The following TAFA1 variants were observed in gnomAD, a reference collection of about 807,000 sequenced individuals.
The protein encoded by TAFA1 is chemokine-like protein TAFA-1.
A neutral mutation model predicts 18.5 loss-of-function variants in TAFA1; 4 were observed. The ratio of observed to expected loss-of-function variants is 0.22; its 90% confidence interval spans 0.11 to 0.49. TAFA1 has a LOEUF of 0.49. TAFA1 is among the 20% of genes least tolerant of loss of function. The pLI is 0.98. For synonymous variants in TAFA1, 56 were observed against 55.2 expected, an observed-to-expected ratio of 1.01 and a Z score of -0.06; for missense variants, 147 against 169.0, an observed-to-expected ratio of 0.87 and a Z score of 0.72.
chr3:68,202,898 A>T (rs893412252), intron 2 of TAFA1, among the ~76,000 whole-genome samples: 1 of 151,676 alleles, frequency 6.6e-6, no homozygotes, highest in Non-Finnish European at 1.5e-5. Context: ...GTTTTTCTTC[A>T]ATCCTTGTCT....
At chr3:68,450,041 A>G (rs964485925) in intron 3 of TAFA1, among the ~76,000 whole-genome samples, 3 of 152,108 alleles carry the variant, frequency 2.0e-5, no homozygotes, top group African/African-American at 7.2e-5. Context: ...AACTGGAGGC[A>G]GGTAGAACAG....
chr3:68,172,988 G>A (rs1006798936), intron 2 of TAFA1, among the ~76,000 whole-genome samples: 5 of 152,040 alleles, frequency 3.3e-5, no homozygotes, highest in African/African-American at 1.2e-4. Context: ...CAAAGCCACA[G>A]CTCTTTTGCA....
intron 2 of TAFA1, among the ~76,000 whole-genome samples, chr3:68,396,310 G>C (rs1403824618): frequency 6.6e-6 from 1 of 152,084 alleles, no homozygotes; most frequent in Non-Finnish European, 1.5e-5. Flanking sequence ...ACTCACCCAT[G>C]ATACCATAAC....
At chr3:68,134,528 T>C (rs1202331863) in intron 2 of TAFA1, among the ~76,000 whole-genome samples, 1 of 152,192 alleles carries the variant, frequency 6.6e-6, no homozygotes, top group African/African-American at 2.4e-5. Context: ...AGCTGGTTCT[T>C]ACTGTCAGTC....
rs150532441 is a variant in TAFA1 at position 68,540,518 on chromosome 3, G to A, written c.384+1638G>A. Among the ~76,000 whole-genome samples, 701 of 152,244 alleles carry A rather than the reference G, an allele frequency of 4.6e-3. 5 individuals are homozygous for A. The highest frequency in any genetic ancestry group is 7.3e-3 in the Non-Finnish European group (494 of 68,020). ...AATTTGAAGTTGCCCTCACAAATTG[G>A]TTTGTTTTAAGCTATTCTGAATTAT... On this transcript the variant is annotated intron_variant, in intron 4 of 4. Coordinates refer to ENST00000478136, the MANE Select transcript of TAFA1 (RefSeq NM_213609.4).
chr3:68,423,143 C>T (rs943511295), intron 3 of TAFA1, among the ~76,000 whole-genome samples: 2 of 151,866 alleles, frequency 1.3e-5, no homozygotes, highest in African/African-American at 4.8e-5. Context: ...TAGTATCGAT[C>T]TCAAAGTTGT....
chr3:68,231,170 T>C lies in TAFA1; in HGVS notation c.119-186110T>C, dbSNP rs536666891. Among the ~76,000 whole-genome samples, 23 of 152,274 alleles carry C rather than the reference T, an allele frequency of 1.5e-4. 1 individual carries two copies. The highest frequency in any genetic ancestry group is 4.6e-4 in the African/African-American group (19 of 41,558). The stretch of plus-strand genomic sequence containing the variant: ...TTTCCACCAAGCATAGAGATACAAA[T>C]TTTTGTACACATGTATTTTTTCTGA... On this transcript the variant is annotated intron_variant, in intron 2 of 4. Coordinates refer to ENST00000478136, the MANE Select transcript of TAFA1 (RefSeq NM_213609.4).
intron 2 of TAFA1, among the ~76,000 whole-genome samples, chr3:68,025,982 T>A (rs761732879): frequency 3.3e-5 from 5 of 152,160 alleles, no homozygotes; most frequent in Non-Finnish European, 7.4e-5. Flanking sequence ...TTTTGATCCC[T>A]GTTATGTCAG....
intron 2 of TAFA1, among the ~76,000 whole-genome samples, chr3:68,012,133 G>A (rs947080535): frequency 9.2e-5 from 14 of 152,120 alleles, no homozygotes; most frequent in African/African-American, 2.4e-4. Flanking sequence ...AACTTTCTGC[G>A]AAAGTATCAA....
chr3:68,271,460 A>T (rs1277649349), intron 2 of TAFA1, among the ~76,000 whole-genome samples: 2 of 152,154 alleles, frequency 1.3e-5, no homozygotes, highest in Non-Finnish European at 2.9e-5. Context: ...TGCAACAAGG[A>T]TGATTTCCCT....
rs112519697 is a variant in TAFA1 at position 68,018,556 on chromosome 3, A to G, written c.118+11812A>G. Among the ~76,000 whole-genome samples, 1,309 of 152,304 alleles carry G rather than the reference A, an allele frequency of 8.6e-3. 21 individuals are homozygous for G. The highest frequency in any genetic ancestry group is 0.03 in the African/African-American group (1,238 of 41,562). ...CCAGTAGTAATAGAAATGACACTTTACTATAGTCCCTGGTATAACTCTGAT... is the reference window on the plus strand; with the variant it reads ...CCAGTAGTAATAGAAATGACACTTTGCTATAGTCCCTGGTATAACTCTGAT... On this transcript the variant is annotated intron_variant, in intron 2 of 4. Coordinates refer to ENST00000478136, the MANE Select transcript of TAFA1 (RefSeq NM_213609.4).
At chr3:68,417,176 A>G (rs1034231611) in intron 2 of TAFA1, 104 bp from the exon 3 acceptor site, 12 of 847,554 alleles carry the variant, frequency 1.4e-5, no homozygotes, top group African/African-American at 5.1e-5. Context: ...AACTGTTTCT[A>G]TAATTTCAAT....
chr3:68,264,253 A>C lies in TAFA1; in HGVS notation c.119-153027A>C, dbSNP rs1364517700. On this transcript the variant is annotated intron_variant, in intron 2 of 4. Coordinates refer to ENST00000478136, the MANE Select transcript of TAFA1 (RefSeq NM_213609.4). Reference sequence around the variant, plus strand: ...CCACCGCACTCCAGCCTGGGCAACAAAGTGAGATTCTGACTCAAAAAATAA... The same window carrying C: ...CCACCGCACTCCAGCCTGGGCAACACAGTGAGATTCTGACTCAAAAAATAA... 3.9e-5 allele frequency among the ~76,000 whole-genome samples: 6 copies of C among 152,150 alleles called. No homozygotes were observed. In the East Asian group the frequency reaches 9.6e-4, roughly 24 times the overall value.
chr3:68,490,109 G>C (rs1263421412), intron 3 of TAFA1, among the ~76,000 whole-genome samples: 1 of 152,174 alleles, frequency 6.6e-6, no homozygotes, highest in African/African-American at 2.4e-5. Context: ...GGAAATTTTA[G>C]CTTGACAGAT....
In TAFA1 at chr3:68,144,950, A is replaced by G. The variant is rs183632109; in HGVS notation, c.118+138206A>G. 1.3e-3 allele frequency: 1,063 copies of G among 821,242 alleles called. 1 individual carries two copies. Among genetic ancestry groups the G allele is most frequent in the Non-Finnish European group, 9.4e-4 (448 of 475,464 alleles). The allele number at this position is 821,242 out of a possible 1,614,324, so 50.9% of individuals were successfully genotyped here. ...AGAGTTGTTGTGATGATAATATAAAATAATGACTATAAAGTGGCATCAAGA... is the reference window on the plus strand; with the variant it reads ...AGAGTTGTTGTGATGATAATATAAAGTAATGACTATAAAGTGGCATCAAGA... On this transcript the variant is annotated intron_variant, in intron 2 of 4. Coordinates refer to ENST00000478136, the MANE Select transcript of TAFA1 (RefSeq NM_213609.4).
intron 2 of TAFA1, among the ~76,000 whole-genome samples, chr3:68,220,774 A>G (rs1241119085): frequency 6.6e-6 from 1 of 151,890 alleles, no homozygotes; most frequent in East Asian, 1.9e-4. Context: ...ACTGAGTAAT[A>G]TTCCTTCATC....
Position 68,078,479 on chromosome 3 carries a change from C to T in TAFA1, c.118+71735C>T, listed in dbSNP as rs528859081. On this transcript the variant is annotated intron_variant, in intron 2 of 4. Transcript: ENST00000478136. ...AGATAGCTCTTATTATCTTGAGATA[C>T]GTCCCATCAATACCTAATTTATTGA... is the stretch of plus-strand genomic sequence containing the variant. 6.5e-3 allele frequency among the ~76,000 whole-genome samples: 991 copies of T among 152,210 alleles called. 14 individuals carry two copies. Among genetic ancestry groups the T allele is most frequent in the African/African-American group, 0.022 (919 of 41,498 alleles).
Position 68,017,585 on chromosome 3 carries a change from C to G in TAFA1, c.118+10841C>G, listed in dbSNP as rs376781871. 4.6e-5 allele frequency among the ~76,000 whole-genome samples: 7 copies of G among 152,238 alleles called. No individual in the cohort carries two copies. In the South Asian group the frequency reaches 1.5e-3, roughly 32 times the overall value. On this transcript the variant is annotated intron_variant, in intron 2 of 4. Coordinates refer to ENST00000478136, the MANE Select transcript of TAFA1 (RefSeq NM_213609.4). ...GCTAACCATCTTCAGAGTATCTCTT[C>G]TATCCAAAAAATGTGTGCCATGAAG...
intron 2 of TAFA1, among the ~76,000 whole-genome samples, chr3:68,378,919 G>A (rs1042669542): frequency 6.6e-6 from 1 of 152,050 alleles, no homozygotes; most frequent in Non-Finnish European, 1.5e-5. Context: ...AGTTTCCTAA[G>A]ACCTCCCAGC....
Sources: allele counts gnomAD v4.1 joint callset (sites outside exome capture counted in the v4.1 genomes callset), GRCh38; gene constraint gnomAD v4.1.1; transcripts MANE v1.5; gene names NCBI Gene and HGNC (gene_info 2026-07-23, HGNC 2026-07-21).